Variants in TBXAS1 observed in about 807,000 individuals in gnomAD.
TBXAS1 encodes thromboxane A synthase 1.
Under a neutral mutation model 60.7 loss-of-function variants are expected in TBXAS1, and 48 were observed. The ratio of observed to expected loss-of-function variants is 0.79; its 90% CI spans 0.63 to 1.01. The LOEUF is 1.01. TBXAS1 is among the 50% of genes least tolerant of loss of function. The probability of loss-of-function intolerance (pLI) is 0.00; values close to 1 mark genes in which losing one functional copy is unlikely to be tolerated. For missense variants in TBXAS1, 685 were observed against 686.3 expected (o/e 1.00, Z 0.02); for synonymous variants, 287 against 269.7 (o/e 1.06, Z -0.63).
At chr7:139,817,323 A>G (rs1393547216) in intron 4 of TBXAS1, among the ~76,000 whole-genome samples, 1 of 151,792 alleles carries the variant, frequency 6.6e-6, no homozygotes, top group Non-Finnish European at 1.5e-5. Flanking sequence ...CTGTACATGC[A>G]TGCACACGTG....
At chr7:140,000,745 A>C (rs1476130127) in intron 9 of TBXAS1, among the ~76,000 whole-genome samples, 4 of 152,212 alleles carry the variant, frequency 2.6e-5, no homozygotes. Flanking sequence ...TTATTTTATA[A>C]AATAAGTCCC....
At chr7:139,927,746 T>C (rs1321735198) in intron 4 of TBXAS1, among the ~76,000 whole-genome samples, 1 of 152,176 alleles carries the variant, frequency 6.6e-6, no homozygotes, top group Non-Finnish European at 1.5e-5. Context: ...TCAAATGTTT[T>C]TGTAGGTATT....
In TBXAS1 at chr7:139,811,841, G is replaced by T. The variant is rs145287619; in HGVS notation, c.-79-17471G>T. Among the ~76,000 whole-genome samples, 22 of 152,334 alleles carry T rather than the reference G, an allele frequency of 1.4e-4. No individual in the cohort carries two copies. The East Asian group carries it at 4.2e-3, about 29-fold the overall frequency. ...TTAAAATGAGCAAAGCCTTAAGTTA[G>T]TCTACATGACAGTGACTCTGGCCAG... On this transcript the variant is annotated intron_variant, in intron 4 of 16. Coordinates refer to the TBXAS1 transcript ENST00000336425.
At chr7:139,978,381 A>C (rs1004581419) in intron 9 of TBXAS1, among the ~76,000 whole-genome samples, 31 of 151,804 alleles carry the variant, frequency 2.0e-4, no homozygotes, top group African/African-American at 7.5e-4. Context: ...ATGGTGGTGC[A>C]CACCTGTAAT....
chr7:139,872,303 T>C lies in TBXAS1; in HGVS notation c.158T>C (p.Ile53Thr), dbSNP rs771838691. 7 of 1,614,050 alleles carry C rather than the reference T, an allele frequency of 4.3e-6. No individual in the cohort carries two copies. The highest frequency in any genetic ancestry group is 1.1e-5 in the South Asian group (1 of 91,088). Residue 53 changes from isoleucine (I) to threonine (T), a missense_variant, in exon 2 of 13, where the codon ATT (isoleucine) becomes ACT (threonine). By Grantham distance (89) the Ile-to-Thr change is moderately conservative. Transcript: ENST00000448866. ...GLRHPKPSPF[I>T]GNLTFFRQGF... is the part of the protein sequence containing the mutation. ...AGACATCCCAAGCCTTCTCCTTTCA[T>C]TGGAAACTTGACATTTTTCCGCCAG...
At chr7:140,016,119 G>A (rs904654349) in intron 11 of TBXAS1, among the ~76,000 whole-genome samples, 5 of 152,052 alleles carry the variant, frequency 3.3e-5, no homozygotes, top group Admixed American at 1.3e-4. Context: ...ACGAGGTCAG[G>A]AGATCGAGAC....
intron 4 of TBXAS1, among the ~76,000 whole-genome samples, chr7:139,801,397 C>G (rs1275927382): frequency 6.6e-6 from 1 of 152,000 alleles, no homozygotes; most frequent in Admixed American, 6.5e-5. Context: ...TTTCTCTCTC[C>G]TTCAAAACTA....
At chr7:139,960,291 C>G (rs920570232) in intron 8 of TBXAS1, among the ~76,000 whole-genome samples, 3 of 152,222 alleles carry the variant, frequency 2.0e-5, no homozygotes, top group Non-Finnish European at 4.4e-5. Flanking sequence ...CACTTGTCAT[C>G]AAACTCAGCA....
chr7:139,854,597 T>C (rs1800456761), intron 1 of TBXAS1, among the ~76,000 whole-genome samples: 1 of 152,122 alleles, frequency 6.6e-6, no homozygotes, highest in Admixed American at 6.5e-5. Context: ...GACGACCTGA[T>C]ATAGGGCAGT....
intron 5 of TBXAS1, among the ~76,000 whole-genome samples, chr7:139,937,720 G>A (rs1468560767): frequency 6.6e-6 from 1 of 152,178 alleles, no homozygotes; most frequent in Non-Finnish European, 1.5e-5. Context: ...GAGAGATTAA[G>A]TAGCGTGCTC....
chr7:139,900,754 T>G (rs535611244), intron 3 of TBXAS1, among the ~76,000 whole-genome samples: 41 of 152,362 alleles, frequency 2.7e-4, no homozygotes, highest in African/African-American at 9.9e-4. Flanking sequence ...GCTCTCTCCA[T>G]GTGGTACAAA....
At chr7:139,810,329 C>G (rs141930209) in intron 4 of TBXAS1, among the ~76,000 whole-genome samples, 1 of 152,114 alleles carries the variant, frequency 6.6e-6, no homozygotes, top group Non-Finnish European at 1.5e-5. Context: ...CCACTGTGCC[C>G]GGCCTGGAAA....
At chr7:139,833,937 A>G (rs2116512158) in intron 1 of TBXAS1, among the ~76,000 whole-genome samples, 1 of 152,326 alleles carries the variant, frequency 6.6e-6, no homozygotes, top group East Asian at 1.9e-4. Flanking sequence ...AATGGATTTA[A>G]ACTATACCTT....
intron 4 of TBXAS1, among the ~76,000 whole-genome samples, chr7:139,931,054 C>T (rs1226525528): frequency 6.6e-6 from 1 of 151,952 alleles, no homozygotes; most frequent in African/African-American, 2.4e-5. Context: ...CACACACACA[C>T]ATACACACAT....
At chr7:139,836,923 G>A (rs1799103609) in intron 1 of TBXAS1, among the ~76,000 whole-genome samples, 1 of 152,106 alleles carries the variant, frequency 6.6e-6, no homozygotes, top group Non-Finnish European at 1.5e-5. Flanking sequence ...TCTGACCAAG[G>A]ACTCACATTC....
At chr7:139,815,202 C>A (rs1002740256) in intron 4 of TBXAS1, among the ~76,000 whole-genome samples, 1 of 152,156 alleles carries the variant, frequency 6.6e-6, no homozygotes, top group Admixed American at 6.5e-5. Context: ...GTTCCATGGC[C>A]TTAGGAGAAG....
upstream of TBXAS1, among the ~76,000 whole-genome samples, chr7:139,828,317 A>G (rs760317522): frequency 3.3e-5 from 5 of 152,212 alleles, no homozygotes; most frequent in Non-Finnish European, 5.9e-5. Flanking sequence ...AGTGTGTCCA[A>G]AGTTTCCTGA....
At chr7:139,984,449 C>T (rs1004687049) in intron 9 of TBXAS1, among the ~76,000 whole-genome samples, 1 of 151,954 alleles carries the variant, frequency 6.6e-6, no homozygotes, top group Non-Finnish European at 1.5e-5. Context: ...GTTCTGCCCC[C>T]TCAGTAACCA....
In TBXAS1 at chr7:140,017,728, C is replaced by G. The variant is rs146745109; in HGVS notation, c.1422C>G (p.Ala474=). The change falls in exon 12 of 13, where the codon GCC becomes GCG. Residue 474 remains alanine, a synonymous_variant. Coordinates refer to ENST00000448866, the MANE Select transcript of TBXAS1 (RefSeq NM_001061.7). ...HRPFTYLPFG[A]GPRSCLGVRL... ...CCTTCACGTACCTGCCCTTCGGGGC[C>G]GGCCCACGGAGCTGCCTCGGGGTGC... 5.0e-6 allele frequency: 8 copies of G among 1,614,000 alleles called. No homozygotes were observed. The highest frequency in any genetic ancestry group is 6.8e-6 in the Non-Finnish European group (8 of 1,179,922).
Sources: gnomAD v4.1 joint callset for allele counts (sites outside exome capture counted in the v4.1 genomes callset) on GRCh38, gnomAD v4.1.1 for gene constraint, MANE v1.5 for transcripts, NCBI Gene and HGNC (gene_info 2026-07-23, HGNC 2026-07-21) for gene names.